Variants in MAML3 observed in about 807,000 individuals in gnomAD.
The protein encoded by MAML3 is mastermind like transcriptional coactivator 3, also known as mastermind-like protein 3.
In MAML3, 27 loss-of-function variants were observed where a neutral mutation model predicts 101.9. The ratio of observed to expected loss-of-function variants is 0.27; its 90% CI spans 0.20 to 0.37. The LOEUF (loss-of-function observed/expected upper bound fraction) is 0.37. Ranked by LOEUF, MAML3 falls within the 10% of genes least tolerant of loss-of-function variation. MAML3 has a pLI of 1.00. For missense variants in MAML3, 1,316 were observed against 1,444.9 expected, an observed-to-expected ratio of 0.91 and a Z score of 1.45; for synonymous variants, 501 against 555.9, an observed-to-expected ratio of 0.90 and a Z score of 1.39.
At chr4:139,928,023 C>T (rs1002859441) in intron 1 of MAML3, among the ~76,000 whole-genome samples, 2 of 152,098 alleles carry the variant, frequency 1.3e-5, no homozygotes, top group African/African-American at 2.4e-5. Context: ...GTATGCTAAC[C>T]CATTTATATA....
chr4:139,785,672 A>T lies in MAML3; in HGVS notation c.2080-55005T>A, dbSNP rs1214188300. Among the ~76,000 whole-genome samples the T allele has an allele frequency of 6.6e-6, 1 of 150,516 alleles. No homozygotes were observed. The highest frequency in any genetic ancestry group is 1.5e-5 in the Non-Finnish European group (1 of 67,570). Reference sequence around the variant, plus strand: ...CCTTCATTCACATATCTCTGCACTAATTTTTTTTTTCCTGTGATAAAACAG... The same window carrying T: ...CCTTCATTCACATATCTCTGCACTATTTTTTTTTTTCCTGTGATAAAACAG... On this transcript the variant is annotated intron_variant, in intron 2 of 4. Transcript: ENST00000509479. This position sits in a 1 kb window ranked among gnomAD's most constrained non-coding sequence, Gnocchi z 4.3.
chr4:139,826,454 A>G (rs932273846), intron 2 of MAML3, among the ~76,000 whole-genome samples: 8 of 152,214 alleles, frequency 5.3e-5, no homozygotes, highest in African/African-American at 1.9e-4. Context: ...CACGAATCGC[A>G]TAACTAGGGA....
At chr4:139,934,214 T>C (rs898309552) in intron 1 of MAML3, among the ~76,000 whole-genome samples, 1 of 151,948 alleles carries the variant, frequency 6.6e-6, no homozygotes, top group Admixed American at 6.6e-5. Flanking sequence ...GTGTGTGATG[T>C]ATGTATTTAT....
At chr4:140,125,077 A>C (rs893753903) in intron 1 of MAML3, among the ~76,000 whole-genome samples, 1 of 152,192 alleles carries the variant, frequency 6.6e-6, no homozygotes, top group Non-Finnish European at 1.5e-5. Context: ...ATTAAGCCCA[A>C]CTTTAGCTTA....
chr4:139,769,189 G>C (rs1729925292), intron 2 of MAML3, among the ~76,000 whole-genome samples: 1 of 152,244 alleles, frequency 6.6e-6, no homozygotes, highest in Non-Finnish European at 1.5e-5. Flanking sequence ...CAGTGACTCA[G>C]CCTGGAGCTG....
intron 1 of MAML3, among the ~76,000 whole-genome samples, chr4:140,140,256 A>C (rs1167408025): frequency 6.6e-6 from 1 of 152,160 alleles, no homozygotes; most frequent in African/African-American, 2.4e-5. Context: ...CCCAGGAGGC[A>C]GAGGTTGTAG....
intron 1 of MAML3, among the ~76,000 whole-genome samples, chr4:139,967,381 A>G (rs898974143): frequency 1.3e-5 from 2 of 152,204 alleles, no homozygotes; most frequent in East Asian, 1.9e-4. Context: ...GCATTAAAAT[A>G]CAATCTTACC....
At chr4:140,064,684 T>C (rs1727501634) in intron 1 of MAML3, among the ~76,000 whole-genome samples, 1 of 152,158 alleles carries the variant, frequency 6.6e-6, no homozygotes, top group Non-Finnish European at 1.5e-5. Context: ...GAAGCCAATA[T>C]TTAACAGTAG....
chr4:140,104,347 A>G (rs1371293704), intron 1 of MAML3, among the ~76,000 whole-genome samples: 6 of 36,508 alleles, frequency 1.6e-4, no homozygotes, highest in African/African-American at 3.2e-4. Flanking sequence ...TCTCAAAAAA[A>G]AAACCAAACC....
rs376664884 is a variant in MAML3, at chr4:139,772,062, AC to A, written c.2080-41396del. Among the ~76,000 whole-genome samples, 999 of 150,928 alleles carry A rather than the reference AC, an allele frequency of 6.6e-3. 6 individuals carry two copies. The highest frequency in any genetic ancestry group is 0.03 in the South Asian group (145 of 4,756). Reference sequence around the variant, plus strand: ...AGACCATCCTGGCTAACACGGTGAAACCCCCGTCTCTACTAAAAATACAAAA... The same window carrying A: ...AGACCATCCTGGCTAACACGGTGAAACCCCGTCTCTACTAAAAATACAAAA... On this transcript the variant is annotated intron_variant, in intron 2 of 4. Transcript: ENST00000509479.
chr4:139,787,068 T>C (rs1036165241), intron 2 of MAML3, among the ~76,000 whole-genome samples: 1 of 152,356 alleles, frequency 6.6e-6, no homozygotes, highest in East Asian at 1.9e-4. Context: ...CATGCCTCAG[T>C]TGGGTTTGCC....
chr4:139,878,563 T>C (rs1185809775), intron 2 of MAML3, among the ~76,000 whole-genome samples: 1 of 152,006 alleles, frequency 6.6e-6, no homozygotes, highest in East Asian at 1.9e-4. Context: ...TGGGAAAAAA[T>C]AAAGCTGGGC....
chr4:140,092,149 G>T (rs1321653611), intron 1 of MAML3, among the ~76,000 whole-genome samples: 1 of 138,812 alleles, frequency 7.2e-6, no homozygotes, highest in Non-Finnish European at 1.6e-5. Flanking sequence ...GAGGGTTAAT[G>T]AACTGTCTGG....
chr4:140,144,684 T>C (rs1170344039), intron 1 of MAML3, among the ~76,000 whole-genome samples: 2 of 151,956 alleles, frequency 1.3e-5, no homozygotes, highest in Non-Finnish European at 2.9e-5. Flanking sequence ...AGCCATTAGC[T>C]CTTAAAAATA....
In MAML3 at chr4:140,079,305, T is replaced by A. The variant is rs189642279; in HGVS notation, c.468+73555A>T. 6.5e-4 allele frequency among the ~76,000 whole-genome samples: 99 copies of A among 152,194 alleles called. 1 individual carries two copies. The East Asian group carries it at 0.018, about 27-fold the overall frequency. ...AATTAATTAATTAATTTAAAAAAAA[T>A]TTTTTTAGATGGAGTCTTGCTCAGT... On this transcript the variant is annotated intron_variant, in intron 1 of 4. Transcript: ENST00000509479.
At chr4:139,775,530 C>A (rs1307339490) in intron 2 of MAML3, among the ~76,000 whole-genome samples, 1 of 151,980 alleles carries the variant, frequency 6.6e-6, no homozygotes, top group Non-Finnish European at 1.5e-5. Context: ...CTCTGTCTAG[C>A]TAAATTAAGG....
chr4:139,793,835 A>G (rs17050911), intron 2 of MAML3, among the ~76,000 whole-genome samples: 8,408 of 152,252 alleles, frequency 0.055, 390 homozygotes, highest in African/African-American at 0.12. Context: ...GAATATTCCA[A>G]TGGTGTTCAA....
Position 139,735,579 on chromosome 4 carries a change from G to C in MAML3, c.2080-4912C>G, listed in dbSNP as rs1728905259. ...GCCCGGGGAGGGGGCGATAAGGAGCGAGCCTCGGGTCGGCCCGGCACCGCT... is the reference window on the plus strand; with the variant it reads ...GCCCGGGGAGGGGGCGATAAGGAGCCAGCCTCGGGTCGGCCCGGCACCGCT... On this transcript the variant is annotated intron_variant, in intron 2 of 4. Coordinates refer to ENST00000509479, the MANE Select transcript of MAML3 (RefSeq NM_018717.5). This position sits in a 1 kb window ranked among gnomAD's most constrained non-coding sequence, Gnocchi z 5.8. Among the ~76,000 whole-genome samples the C allele has an allele frequency of 6.6e-6, 1 of 152,120 alleles. No homozygotes were observed. The highest frequency in any genetic ancestry group is 2.4e-5 in the African/African-American group (1 of 41,438).
chr4:140,121,455 G>A (rs1728604492), intron 1 of MAML3, among the ~76,000 whole-genome samples: 1 of 152,174 alleles, frequency 6.6e-6, no homozygotes, highest in Non-Finnish European at 1.5e-5. Flanking sequence ...TTCTTTGGCT[G>A]GCAATCATGA....
Sources: allele counts gnomAD v4.1 joint callset (sites outside exome capture counted in the v4.1 genomes callset), GRCh38; gene constraint gnomAD v4.1.1; non-coding constraint Gnocchi (gnomAD v3.1); transcripts MANE v1.5; gene names NCBI Gene and HGNC (gene_info 2026-07-23, HGNC 2026-07-21).